Variants in ITGA8 observed in about 807,000 individuals in gnomAD.
ITGA8 encodes integrin subunit alpha 8, also known as integrin alpha-8.
Under a neutral mutation model 142.3 loss-of-function variants are expected in ITGA8, and 91 were observed. The ratio of observed to expected loss-of-function variants is 0.64; its 90% CI spans 0.54 to 0.76. The LOEUF is 0.76. ITGA8 is among the 30% of genes least tolerant of loss of function. The pLI is 0.00. For synonymous variants in ITGA8, 505 were observed against 485.2 expected (o/e 1.04, Z -0.54); for missense variants, 1,406 against 1,327.7 (o/e 1.06, Z -0.92).
chr10:15,613,846 TG>T, intron 14 of ITGA8, 79 bp from the exon 15 acceptor site: 2 of 938,782 alleles, frequency 2.1e-6, no homozygotes, highest in Non-Finnish European at 3.5e-6. Context: ...CACTGCATAC[TG>T]AACTCAGTAG....
chr10:15,598,994 A>T (rs1435042776), intron 20 of ITGA8, among the ~76,000 whole-genome samples: 5 of 152,214 alleles, frequency 3.3e-5, no homozygotes, highest in African/African-American at 1.2e-4. Context: ...TAACTCAGTC[A>T]TGAAAACAGA....
intron 29 of ITGA8, 37 bp from the exon 30 acceptor site, chr10:15,517,281 T>A (rs751402842): frequency 2.8e-6 from 4 of 1,420,780 alleles, no homozygotes; most frequent in Non-Finnish European, 3.9e-6. Context: ...ATCACGTCAT[T>A]CTGGGAACCT....
In ITGA8 at chr10:15,608,346, G is replaced by A. The variant is rs1179477336; in HGVS notation, c.1554-56C>T. ...ATAAAGTTTTGAATCTAAAGTAGAA[G>A]CCTTCCTTTACCTAATCCCAGATAA... On this transcript the variant is annotated intron_variant, in intron 15 of 29. Transcript: ENST00000378076. 7.3e-6 allele frequency: 8 copies of A among 1,096,610 alleles called. No homozygotes were observed. The Admixed American group carries it at 1.2e-4, about 16-fold the overall frequency. The allele number at this position is 1,096,610 out of a possible 1,614,324, so 67.9% of individuals were successfully genotyped here.
intron 27 of ITGA8, among the ~76,000 whole-genome samples, chr10:15,546,963 A>T (rs543037673): frequency 4.9e-4 from 74 of 152,174 alleles, no homozygotes; most frequent in African/African-American, 1.7e-3. Context: ...AAAAACAAAA[A>T]TAAGATTGAC....
intron 13 of ITGA8, among the ~76,000 whole-genome samples, chr10:15,627,701 G>A (rs531305038): frequency 6.6e-6 from 1 of 152,250 alleles, no homozygotes; most frequent in Admixed American, 6.5e-5. Context: ...CTGGGTCTGG[G>A]GTGCAGAACC....
At chr10:15,580,126 TAAAA>T (rs35286236) in intron 23 of ITGA8, among the ~76,000 whole-genome samples, 6 of 108,876 alleles carry the variant, frequency 5.5e-5, no homozygotes, top group African/African-American at 1.8e-4. Flanking sequence ...TCAGAAAATG[TAAAA>T]AAAAAAAAAA....
In ITGA8 at chr10:15,561,287, A is replaced by T. The variant is rs373487216; in HGVS notation, c.2638-3085T>A. Among the ~76,000 whole-genome samples, 4 of 148,504 alleles carry T rather than the reference A, an allele frequency of 2.7e-5. No homozygotes were observed. The South Asian group carries it at 8.4e-4, about 31-fold the overall frequency. ...AAATGTTTATGGATGTGGAAAAATA[A>T]GTTAATGCATAAATAAATGGAAAAA... is the stretch of plus-strand genomic sequence containing the variant. On this transcript the variant is annotated intron_variant, in intron 25 of 29. Transcript: ENST00000378076.
At position 15,718,965 on chromosome 10, in the gene ITGA8, C is replaced by T. The variant is rs979155918; in HGVS notation, c.210-66G>A. ...AAACCGTGCGCATGCAATGCAGTCT[C>T]TGTAACCTCCTGCCCGGGGACACTG... On this transcript the variant is annotated intron_variant, in intron 1 of 29. Transcript: ENST00000378076. 3 of 1,607,992 alleles carry T rather than the reference C, an allele frequency of 1.9e-6. No homozygotes were observed. The East Asian group carries it at 6.7e-5, about 36-fold the overall frequency.
intron 12 of ITGA8, among the ~76,000 whole-genome samples, chr10:15,646,357 A>G (rs1333290204): frequency 1.3e-5 from 2 of 152,178 alleles, no homozygotes; most frequent in African/African-American, 4.8e-5. Context: ...TTTTATTGTA[A>G]CCTGGAGTGC....
intron 26 of ITGA8, among the ~76,000 whole-genome samples, chr10:15,551,484 A>C (rs567703806): frequency 6.6e-6 from 1 of 152,278 alleles, no homozygotes; most frequent in Non-Finnish European, 1.5e-5. Context: ...AGGTGGCTGG[A>C]AGCTGGGCAA....
At chr10:15,650,509 G>T (rs927647924) in intron 11 of ITGA8, among the ~76,000 whole-genome samples, 2 of 152,154 alleles carry the variant, frequency 1.3e-5, no homozygotes, top group African/African-American at 2.4e-5. Context: ...CTCAACATGT[G>T]ATGCCTGGCA....
chr10:15,549,255 G>A (rs1457167989), intron 26 of ITGA8, among the ~76,000 whole-genome samples: 2 of 115,758 alleles, frequency 1.7e-5, no homozygotes, highest in Non-Finnish European at 3.4e-5. Flanking sequence ...TTCTTGCCCA[G>A]GCTGGAGTGC....
chr10:15,645,325 T>C (rs548081604), intron 12 of ITGA8, among the ~76,000 whole-genome samples: 5 of 152,276 alleles, frequency 3.3e-5, no homozygotes, highest in African/African-American at 1.2e-4. Context: ...CCTCCCTTTA[T>C]GTCATTTAGA....
At position 15,574,116 on chromosome 10, in the gene ITGA8, C is replaced by A. The variant is rs139052851; in HGVS notation, c.2478+1373G>T. Among the ~76,000 whole-genome samples, 500 of 152,128 alleles carry A rather than the reference C, an allele frequency of 3.3e-3. 3 individuals carry two copies. The highest frequency in any genetic ancestry group is 0.011 in the African/African-American group (477 of 41,498). On this transcript the variant is annotated intron_variant, in intron 24 of 29. Coordinates refer to ENST00000378076, the MANE Select transcript of ITGA8 (RefSeq NM_003638.3). ...GGATTACAGGCTTGAGCCACTGTGC[C>A]CAGCCATATATGTTGGCTTCTAACT...
rs1442529814 is a variant in ITGA8, at chr10:15,516,191, C to T, written c.*967G>A. 6.6e-6 allele frequency: 1 copy of T among 152,098 alleles called. No individual in the cohort carries two copies. The highest frequency in any genetic ancestry group is 2.4e-5 in the African/African-American group (1 of 41,404). 9.4% of individuals were successfully genotyped at this position (152,098 alleles called of 1,614,324 possible). A position where few individuals can be genotyped will look rare whatever the true frequency, so the allele number is the denominator to read the frequency against. ...TAATTAATGAACTCTAGACATTTTA[C>T]CATGACTTTTAAACACTCCAAAGGT... On this transcript the variant is annotated 3_prime_UTR_variant, in exon 30 of 30. Coordinates refer to ENST00000378076, the MANE Select transcript of ITGA8 (RefSeq NM_003638.3).
chr10:15,549,178 CTTTCTTTTTTCT>C (rs1437760670), intron 26 of ITGA8, among the ~76,000 whole-genome samples: 2 of 112,948 alleles, frequency 1.8e-5, no homozygotes, highest in Non-Finnish European at 3.7e-5. Flanking sequence ...ATCAGATTTT[CTTTCTTTTTTCT>C]TTTCTTTTCT....
intron 20 of ITGA8, among the ~76,000 whole-genome samples, chr10:15,600,571 G>A (rs999660325): frequency 6.6e-6 from 1 of 152,212 alleles, no homozygotes; most frequent in African/African-American, 2.4e-5. Context: ...GAAGAGGTGA[G>A]TGGGGGTGAT....
intron 27 of ITGA8, among the ~76,000 whole-genome samples, chr10:15,532,904 G>A (rs1478313239): frequency 6.6e-6 from 1 of 152,112 alleles, no homozygotes; most frequent in East Asian, 1.9e-4. Flanking sequence ...CTGTGCTCAG[G>A]ATGTGATTTA....
intron 28 of ITGA8, among the ~76,000 whole-genome samples, chr10:15,530,690 C>T (rs1833271367): frequency 1.3e-5 from 2 of 152,224 alleles, no homozygotes; most frequent in South Asian, 4.1e-4. Flanking sequence ...GCCTACTATC[C>T]CTAAGAAAGA....
Sources: allele counts gnomAD v4.1 joint callset (sites outside exome capture counted in the v4.1 genomes callset), GRCh38; gene constraint gnomAD v4.1.1; transcripts MANE v1.5; gene names NCBI Gene and HGNC (gene_info 2026-07-23, HGNC 2026-07-21).